FNBP1L: variants seen among roughly 807,000 people sequenced by gnomAD.
FNBP1L encodes formin-binding protein 1-like.
FNBP1L carries 36 observed loss-of-function variants against 91.2 expected under a neutral mutation model. The ratio of observed to expected loss-of-function variants is 0.39; its 90% CI spans 0.30 to 0.52. The LOEUF (loss-of-function observed/expected upper bound fraction) is 0.52, where lower values mean the gene tolerates loss of function less well. FNBP1L is among the 20% of genes least tolerant of loss of function. The pLI is 0.66. For missense variants in FNBP1L, 571 were observed against 732.1 expected (o/e 0.78, Z 2.54); for synonymous variants, 242 against 237.0 (o/e 1.02, Z -0.19).
chr1:93,504,479 G>A (rs1670540682), intron 2 of FNBP1L, among the ~76,000 whole-genome samples: 3 of 152,112 alleles, frequency 2.0e-5, no homozygotes, highest in Admixed American at 6.5e-5. Context: ...TCCCTGTCTC[G>A]GGTATGTCTT....
At chr1:93,453,359 G>A (rs568851110) in intron 1 of FNBP1L, among the ~76,000 whole-genome samples, 2 of 152,228 alleles carry the variant, frequency 1.3e-5, no homozygotes, top group South Asian at 2.1e-4. Context: ...TATCTCCTTT[G>A]CATAGCCACT....
intron 15 of FNBP1L, among the ~76,000 whole-genome samples, chr1:93,549,808 A>G (rs1478151118): frequency 6.6e-6 from 1 of 152,208 alleles, no homozygotes; most frequent in African/African-American, 2.4e-5. Flanking sequence ...TCTTCCTTGT[A>G]GCTTACTAAC....
chr1:93,544,042 A>T, intron 11 of FNBP1L, 65 bp from the exon 12 acceptor site: 1 of 1,140,016 alleles, frequency 8.8e-7, no homozygotes, highest in Non-Finnish European at 1.2e-6. Context: ...ATTTTATAGC[A>T]GGTATATTTT....
Position 93,534,821 on chromosome 1 carries a change from A to C in FNBP1L, c.903A>C (p.Ala301=). The part of the protein sequence containing the change: ...YRTISDGTIS[A]SKQESGKMDA... The stretch of plus-strand genomic sequence containing the variant: ...CCATTTCTGATGGGACTATCAGTGC[A>C]TCCAAACAGGAGAGTGGGAAGATGG... The change falls in exon 9 of 17, where the codon GCA becomes GCC. Residue 301 remains alanine, a synonymous_variant. Transcript: ENST00000271234. 1.9e-6 allele frequency: 3 copies of C among 1,577,088 alleles called. No individual in the cohort carries two copies. The highest frequency in any genetic ancestry group is 8.6e-7 in the Non-Finnish European group (1 of 1,159,968).
chr1:93,483,374 C>G (rs987665253), intron 1 of FNBP1L, among the ~76,000 whole-genome samples: 2 of 152,052 alleles, frequency 1.3e-5, no homozygotes, highest in African/African-American at 4.8e-5. Context: ...TTAATCATTT[C>G]CGTTTTACTC....
chr1:93,483,520 A>G (rs759495445), intron 1 of FNBP1L, among the ~76,000 whole-genome samples: 1 of 152,326 alleles, frequency 6.6e-6, no homozygotes, highest in East Asian at 1.9e-4. Context: ...GCATCTATCT[A>G]TTATATGAAA....
intron 5 of FNBP1L, 38 bp from the exon 6 acceptor site, chr1:93,529,614 T>C: frequency 8.1e-7 from 1 of 1,237,096 alleles, no homozygotes; most frequent in African/African-American, 1.6e-5. Context: ...TTAGCCTGAT[T>C]TTATTTTCTC....
intron 1 of FNBP1L, among the ~76,000 whole-genome samples, chr1:93,496,098 A>G (rs999386079): frequency 6.6e-6 from 1 of 152,174 alleles, no homozygotes; most frequent in African/African-American, 2.4e-5. Flanking sequence ...TGCTGGGGGA[A>G]GGCCAGTCTG....
intron 1 of FNBP1L, among the ~76,000 whole-genome samples, chr1:93,454,952 G>C (rs984974393): frequency 6.6e-6 from 1 of 150,496 alleles, no homozygotes; most frequent in African/African-American, 2.5e-5. Flanking sequence ...TTTTTGAGAC[G>C]GAGTCTCGCT....
At chr1:93,498,366 T>C (rs2101723983) in intron 1 of FNBP1L, among the ~76,000 whole-genome samples, 1 of 152,342 alleles carries the variant, frequency 6.6e-6, no homozygotes, top group African/African-American at 2.4e-5. Flanking sequence ...ATTATGCAGA[T>C]TGAGTTTACT....
intron 1 of FNBP1L, among the ~76,000 whole-genome samples, chr1:93,489,240 G>A (rs6687167): frequency 0.028 from 4,280 of 152,072 alleles, 206 homozygotes; most frequent in African/African-American, 0.097. Context: ...TTATAATGAC[G>A]GCTTAGGGAA....
intron 1 of FNBP1L, among the ~76,000 whole-genome samples, chr1:93,456,242 T>G (rs1668652404): frequency 2.0e-5 from 3 of 152,232 alleles, no homozygotes. Flanking sequence ...TAGTTATTCA[T>G]GTTTGGCAAT....
chr1:93,505,020 C>T (rs1670561600), intron 2 of FNBP1L, among the ~76,000 whole-genome samples: 1 of 151,328 alleles, frequency 6.6e-6, no homozygotes, highest in African/African-American at 2.4e-5. Context: ...CAAAGATTTT[C>T]TCCTATGTTT....
At position 93,462,398 on chromosome 1, in the gene FNBP1L, A is replaced by G. The variant is rs76956946; in HGVS notation, c.24+14093A>G. Among the ~76,000 whole-genome samples the G allele has an allele frequency of 3.4e-3, 515 of 152,286 alleles. 14 individuals carry two copies. In the East Asian group the frequency reaches 0.07, roughly 21 times the overall value. ...CCTATTATTAACATCCTACATTAGT[A>G]TGGTACATTTGTTATAACTAATGAA... On this transcript the variant is annotated intron_variant, in intron 1 of 16. Transcript: ENST00000271234.
At chr1:93,486,791 C>T (rs1471298067) in intron 1 of FNBP1L, among the ~76,000 whole-genome samples, 1 of 152,204 alleles carries the variant, frequency 6.6e-6, no homozygotes, top group African/African-American at 2.4e-5. Context: ...TGCTCATGCT[C>T]TTAGCAAAGG....
At chr1:93,520,077 T>C (rs1270303270) in intron 2 of FNBP1L, among the ~76,000 whole-genome samples, 1 of 152,208 alleles carries the variant, frequency 6.6e-6, no homozygotes, top group African/African-American at 2.4e-5. Context: ...AGGTCTTCCT[T>C]TTCTTTGTGT....
intron 1 of FNBP1L, among the ~76,000 whole-genome samples, chr1:93,486,964 C>T (rs34359838): frequency 0.012 from 1,760 of 152,320 alleles, 18 homozygotes; most frequent in Middle Eastern, 0.024. Context: ...CATATCCTTT[C>T]TCTCCTTTCA....
At chr1:93,551,429 A>C (rs1449491640) in intron 16 of FNBP1L, 1 of 1,010,552 alleles carries the variant, frequency 9.9e-7, no homozygotes, top group Admixed American at 5.7e-5. Flanking sequence ...ATTGGGCAGG[A>C]ATTCATGGAT....
Position 93,459,616 on chromosome 1 carries a change from G to T in FNBP1L, c.24+11311G>T, listed in dbSNP as rs148383924. On this transcript the variant is annotated intron_variant, in intron 1 of 16. Coordinates refer to ENST00000271234, the MANE Select transcript of FNBP1L (RefSeq NM_001164473.3). ...GAAGAAAACGGAACCCTTGTACATT[G>T]TTGATGGGAATGTAAATTAGTGCAG... 3.3e-5 allele frequency among the ~76,000 whole-genome samples: 5 copies of T among 152,350 alleles called. No homozygotes were observed. The East Asian group carries it at 9.6e-4, about 29-fold the overall frequency.
Sources: allele counts gnomAD v4.1 joint callset (sites outside exome capture counted in the v4.1 genomes callset), GRCh38; gene constraint gnomAD v4.1.1; transcripts MANE v1.5; gene names NCBI Gene and HGNC (gene_info 2026-07-23, HGNC 2026-07-21).